Variants in ANOS1 observed in about 807,000 individuals in gnomAD.
ANOS1 encodes the protein anosmin-1.
ANOS1 carries 6 observed loss-of-function variants against 59.0 expected under a neutral mutation model. The ratio of observed to expected loss-of-function variants is 0.10; its 90% CI spans 0.06 to 0.20. The LOEUF is 0.20. ANOS1 is among the 10% of genes least tolerant of loss of function. ANOS1 has a pLI of 1.00. For synonymous variants in ANOS1, 217 were observed against 223.4 expected, an observed-to-expected ratio of 0.97 and a Z score of 0.25; for missense variants, 433 against 542.3, an observed-to-expected ratio of 0.80 and a Z score of 2.00.
chrX:8,592,451 T>C (rs1027024411), intron 4 of ANOS1, among the ~76,000 whole-genome samples: 38 of 112,237 alleles, frequency 3.4e-4, no homozygotes, highest in Non-Finnish European at 7.5e-5. Flanking sequence ...GGTTTATCCA[T>C]GGCAAAAGGA....
chrX:8,657,233 T>A (rs1276153698), intron 2 of ANOS1, among the ~76,000 whole-genome samples: 1 of 112,378 alleles, frequency 8.9e-6, no homozygotes, highest in Admixed American at 9.4e-5. Flanking sequence ...CTGAAAACAA[T>A]GGAAGCTTCG....
At chrX:8,678,015 C>T (rs1932362359) in intron 2 of ANOS1, among the ~76,000 whole-genome samples, 1 of 111,835 alleles carries the variant, frequency 8.9e-6, no homozygotes, top group Non-Finnish European at 1.9e-5. Context: ...GCTCGCCATG[C>T]TTGCCCCACC....
intron 8 of ANOS1, among the ~76,000 whole-genome samples, chrX:8,563,661 TAG>T (rs1307100367): frequency 8.9e-6 from 1 of 112,441 alleles, no homozygotes; most frequent in Non-Finnish European, 1.9e-5. Context: ...GCTGTCGTGT[TAG>T]AGTGTGGCAC....
chrX:8,685,878 C>T (rs1479590826), intron 2 of ANOS1, among the ~76,000 whole-genome samples: 2 of 111,644 alleles, frequency 1.8e-5, no homozygotes, highest in East Asian at 2.8e-4. Context: ...GTTTTAAAGA[C>T]GATTCTTTGA....
chrX:8,576,059 C>T (rs1476537371), intron 6 of ANOS1, among the ~76,000 whole-genome samples: 1 of 111,557 alleles, frequency 9.0e-6, no homozygotes, highest in Non-Finnish European at 1.9e-5. Context: ...CAGTGAGGTA[C>T]GACTGCACCA....
At chrX:8,633,183 C>T (rs776319972) in intron 2 of ANOS1, among the ~76,000 whole-genome samples, 2 of 111,747 alleles carry the variant, frequency 1.8e-5, no homozygotes, top group Non-Finnish European at 3.8e-5. Context: ...ACAACAGCAT[C>T]AGGCCTGAGA....
chrX:8,553,223 A>G (rs769620609), intron 9 of ANOS1, among the ~76,000 whole-genome samples: 2 of 111,622 alleles, frequency 1.8e-5, no homozygotes, highest in South Asian at 7.4e-4. Context: ...AAAATAAACA[A>G]AAAGAATTTA....
intron 1 of ANOS1, among the ~76,000 whole-genome samples, chrX:8,730,158 T>A: frequency 9.0e-6 from 1 of 111,090 alleles, no homozygotes; most frequent in Middle Eastern, 4.7e-3. Context: ...AAAAAAAAGG[T>A]ACTCTTTCTC....
intron 1 of ANOS1, among the ~76,000 whole-genome samples, chrX:8,720,740 GAAAAAC>G (rs1194560166): frequency 1.8e-5 from 2 of 109,989 alleles, no homozygotes; most frequent in South Asian, 3.9e-4. Context: ...CATCTCTGGG[GAAAAAC>G]AAAAACAAAA....
At chrX:8,577,943 A>G (rs1003672553) in intron 6 of ANOS1, among the ~76,000 whole-genome samples, 4 of 111,895 alleles carry the variant, frequency 3.6e-5, no homozygotes, top group Non-Finnish European at 7.5e-5. Context: ...TTAAGACAAC[A>G]CTATTTGTTA....
chrX:8,616,342 TA>T (rs1016307149), intron 3 of ANOS1, among the ~76,000 whole-genome samples: 2 of 111,839 alleles, frequency 1.8e-5, no homozygotes, highest in African/African-American at 6.5e-5. Flanking sequence ...TGGCCTCTCT[TA>T]AATCTCCTTC....
At position 8,578,014 on chromosome X, in the gene ANOS1, T is replaced by C. The variant is rs769536917; in HGVS notation, c.856+7253A>G. On this transcript the variant is annotated intron_variant, in intron 6 of 13. Coordinates refer to ENST00000262648, the MANE Select transcript of ANOS1 (RefSeq NM_000216.4). ...GATTATAGATCATCATAAAGAAACA[T>C]GCACATGTGCACATGGAGAACAATA... Among the ~76,000 whole-genome samples, 168 of 111,799 alleles carry C rather than the reference T, an allele frequency of 1.5e-3. 1 individual carries two copies. The highest frequency in any genetic ancestry group is 5.2e-3 in the African/African-American group (160 of 30,792).
intron 2 of ANOS1, among the ~76,000 whole-genome samples, chrX:8,685,381 GA>G (rs1355627835): frequency 1.3e-4 from 14 of 108,478 alleles, no homozygotes; most frequent in African/African-American, 4.7e-4. Flanking sequence ...ACTTAAGGCA[GA>G]GAGAAAGTCT....
intron 6 of ANOS1, among the ~76,000 whole-genome samples, chrX:8,570,983 T>C (rs1426904907): frequency 9.2e-6 from 1 of 108,874 alleles, no homozygotes; most frequent in Non-Finnish European, 1.9e-5. Context: ...GGGTGGTGCA[T>C]GCCTGTGGTC....
chrX:8,623,674 G>A lies in ANOS1; in HGVS notation c.256-4C>T. Reference sequence around the variant, plus strand: ...ATTCCTTGCAGGGCTCCAGGCACTGGAAGAGAGGAACAATAAAAATAAATA... The same window carrying A: ...ATTCCTTGCAGGGCTCCAGGCACTGAAAGAGAGGAACAATAAAAATAAATA... On this transcript the variant is annotated splice_region_variant and splice_polypyrimidine_tract_variant and intron_variant, in intron 2 of 13. Coordinates refer to ENST00000262648, the MANE Select transcript of ANOS1 (RefSeq NM_000216.4). 8.6e-6 allele frequency: 10 copies of A among 1,169,472 alleles called. No individual in the cohort carries two copies. The highest frequency in any genetic ancestry group is 1.2e-5 in the Non-Finnish European group (10 of 858,252).
chrX:8,647,949 A>G (rs1243675074), intron 2 of ANOS1, among the ~76,000 whole-genome samples: 2 of 112,191 alleles, frequency 1.8e-5, no homozygotes, highest in African/African-American at 6.5e-5. Context: ...CCATCTCCAC[A>G]AAGCATTTGA....
At chrX:8,672,635 T>C (rs1421403734) in intron 2 of ANOS1, among the ~76,000 whole-genome samples, 1 of 111,676 alleles carries the variant, frequency 9.0e-6, no homozygotes, top group Middle Eastern at 4.3e-3. Flanking sequence ...GTCTCCTGGA[T>C]GAGGTACTGA....
chrX:8,680,281 T>C (rs184759124), intron 2 of ANOS1, among the ~76,000 whole-genome samples: 1 of 109,480 alleles, frequency 9.1e-6, no homozygotes, highest in Non-Finnish European at 1.9e-5. Context: ...TGCAATGATG[T>C]GATCATAGCT....
At chrX:8,623,545 G>T in intron 3 of ANOS1, 63 bp downstream of exon 3, 3 of 825,955 alleles carry the variant, frequency 3.6e-6, no homozygotes, top group Non-Finnish European at 5.5e-6. Context: ...TCATTCCCAT[G>T]ACCCCACGTA....
Sources: gnomAD v4.1 joint callset for allele counts (sites outside exome capture counted in the v4.1 genomes callset) on GRCh38, gnomAD v4.1.1 for gene constraint, MANE v1.5 for transcripts, NCBI Gene and HGNC (gene_info 2026-07-23, HGNC 2026-07-21) for gene names.